FARP1: variants seen among roughly 807,000 people sequenced by gnomAD.
FARP1 encodes FERM, ARHGEF and pleckstrin domain-containing protein 1.
A neutral mutation model predicts 128.8 loss-of-function variants in FARP1; 52 were observed. The ratio of observed to expected loss-of-function variants is 0.40; its 90% CI spans 0.32 to 0.51. FARP1 has a LOEUF of 0.51. Among genes scored for constraint, FARP1 ranks in the 20% least tolerant of loss-of-function variants. The pLI is 0.45. For synonymous variants in FARP1, 580 were observed against 551.8 expected (o/e 1.05, Z -0.72); for missense variants, 1,333 against 1,367.9 (o/e 0.97, Z 0.40).
chr13:98,340,716 T>A (rs1247919144), intron 2 of FARP1: 3 of 152,228 alleles, frequency 2.0e-5, no homozygotes, highest in Non-Finnish European at 4.4e-5. Flanking sequence ...TTGCTGTGCA[T>A]AAGTTAACCA....
Position 98,446,836 on chromosome 13 carries a change from C to A in FARP1, c.3056+19C>A, listed in dbSNP as rs112364908. ...TCGAAAGGTAGACACCCCCTTCCCA[C>A]GCACAGGGCCCTGCAGAAGAGGACC... On this transcript the variant is annotated intron_variant, in intron 26 of 26. Coordinates refer to ENST00000319562, the MANE Select transcript of FARP1 (RefSeq NM_005766.4). 1.4e-5 allele frequency: 22 copies of A among 1,613,360 alleles called. No homozygotes were observed. Among genetic ancestry groups the A allele is most frequent in the African/African-American group, 8.0e-5 (6 of 75,046 alleles).
chr13:98,195,805 T>C (rs770695014), intron 1 of FARP1, among the ~76,000 whole-genome samples: 1 of 152,096 alleles, frequency 6.6e-6, no homozygotes, highest in Non-Finnish European at 1.5e-5. Context: ...GATGGAAGGA[T>C]TGCTGCCCCA....
rs1286002598 is a variant in FARP1 at position 98,156,060 on chromosome 13, C to T, written c.-24+12568C>T. ...CTGGAGCAAGTCATTTCATTTCAAT[C>T]CCCGTTTCCTCCCATATTTTAAAAA... is the stretch of plus-strand genomic sequence containing the variant. On this transcript the variant is annotated intron_variant, in intron 1 of 26. Coordinates refer to ENST00000319562, the MANE Select transcript of FARP1 (RefSeq NM_005766.4). Among the ~76,000 whole-genome samples the T allele has an allele frequency of 4.6e-5, 7 of 152,190 alleles. No homozygotes were observed. In the East Asian group the frequency reaches 1.3e-3, roughly 29 times the overall value.
chr13:98,158,796 T>G (rs1454294404), intron 1 of FARP1, among the ~76,000 whole-genome samples: 1 of 152,110 alleles, frequency 6.6e-6, no homozygotes, highest in Non-Finnish European at 1.5e-5. Flanking sequence ...TGCTTCACTG[T>G]TAGGAAAGAA....
intron 2 of FARP1, among the ~76,000 whole-genome samples, chr13:98,231,774 T>G (rs1397894037): frequency 6.6e-6 from 1 of 152,192 alleles, no homozygotes; most frequent in Admixed American, 6.5e-5. Context: ...TAGAGTACTT[T>G]TTTTCCTCAT....
intron 2 of FARP1, among the ~76,000 whole-genome samples, chr13:98,228,567 A>G (rs534868442): frequency 6.6e-5 from 10 of 152,326 alleles, no homozygotes; most frequent in African/African-American, 2.4e-4. Context: ...TTTGTATAGT[A>G]TATCGTTAGT....
At chr13:98,420,127 G>C (rs997898975) in intron 16 of FARP1, among the ~76,000 whole-genome samples, 33 of 152,164 alleles carry the variant, frequency 2.2e-4, no homozygotes, top group African/African-American at 7.5e-4. Flanking sequence ...AAGGTCACCA[G>C]CACACTGTGA....
chr13:98,281,640 A>G (rs529097837), intron 2 of FARP1, among the ~76,000 whole-genome samples: 150 of 152,346 alleles, frequency 9.8e-4, no homozygotes, highest in African/African-American at 3.5e-3. Context: ...TTTTAAAGGT[A>G]AAATGAAAAT....
intron 16 of FARP1, among the ~76,000 whole-genome samples, chr13:98,419,467 T>C (rs1264716111): frequency 2.2e-5 from 3 of 134,048 alleles, no homozygotes; most frequent in African/African-American, 8.9e-5. Context: ...GACGAGACTC[T>C]GTCTCCAAAA....
intron 1 of FARP1, among the ~76,000 whole-genome samples, chr13:98,199,615 G>C (rs1879806110): frequency 6.6e-6 from 1 of 152,208 alleles, no homozygotes; most frequent in South Asian, 2.1e-4. Context: ...CAAGGGTTGG[G>C]TGCTTTCTAC....
At chr13:98,218,126 C>T (rs1472285887) in intron 2 of FARP1, among the ~76,000 whole-genome samples, 1 of 151,996 alleles carries the variant, frequency 6.6e-6, no homozygotes, top group African/African-American at 2.4e-5. Flanking sequence ...CCGGCCCTCC[C>T]CCACCCCACA....
intron 26 of FARP1, chr13:98,448,004 T>A: frequency 1.7e-6 from 1 of 571,516 alleles, no homozygotes; most frequent in Non-Finnish European, 3.1e-6. Flanking sequence ...GCGGGCAGTG[T>A]CACTGCAGCA....
intron 13 of FARP1, chr13:98,404,006 A>AT (rs1890876303): frequency 6.6e-6 from 1 of 152,066 alleles, no homozygotes; most frequent in African/African-American, 2.5e-5. Flanking sequence ...CTCCACCACC[A>AT]CCACCACCAC....
chr13:98,304,381 G>A (rs891212802), intron 2 of FARP1, among the ~76,000 whole-genome samples: 1 of 152,204 alleles, frequency 6.6e-6, no homozygotes, highest in African/African-American at 2.4e-5. Flanking sequence ...ATGGTTTATA[G>A]ATTATCAAGG....
chr13:98,341,997 A>G (rs1188876111), intron 2 of FARP1, among the ~76,000 whole-genome samples: 3 of 152,344 alleles, frequency 2.0e-5, no homozygotes, highest in Middle Eastern at 3.4e-3. Flanking sequence ...GTACTAAACC[A>G]TCTATAATAC....
At position 98,389,771 on chromosome 13, in the gene FARP1, C is replaced by A. The variant is rs1266001014; in HGVS notation, c.856-186C>A. ...ATTCTGTGGGGAAGAAAATGATGGACTAGGGACCACATCTTGTCCTTAAGA... is the reference window on the plus strand; with the variant it reads ...ATTCTGTGGGGAAGAAAATGATGGAATAGGGACCACATCTTGTCCTTAAGA... On this transcript the variant is annotated intron_variant, in intron 9 of 26. Coordinates refer to ENST00000319562, the MANE Select transcript of FARP1 (RefSeq NM_005766.4). 4.1e-5 allele frequency: 23 copies of A among 555,568 alleles called. 1 individual carries two copies. Among genetic ancestry groups the A allele is most frequent in the Non-Finnish European group, 4.0e-5 (13 of 323,178 alleles). The allele number at this position is 555,568 out of a possible 1,614,324, so 34.4% of individuals were successfully genotyped here. A position where few individuals can be genotyped will look rare whatever the true frequency, so the allele number is the denominator to read the frequency against.
intron 2 of FARP1, among the ~76,000 whole-genome samples, chr13:98,241,676 G>A (rs1041105251): frequency 6.6e-6 from 1 of 152,176 alleles, no homozygotes; most frequent in African/African-American, 2.4e-5. Context: ...AGCATTTTGG[G>A]AGGCTGAGGT....
At chr13:98,332,776 T>C (rs1225387650) in intron 2 of FARP1, 2 of 152,168 alleles carry the variant, frequency 1.3e-5, no homozygotes, top group Non-Finnish European at 2.9e-5. Flanking sequence ...TTAAGATCGG[T>C]TCTTGGGGAA....
Position 98,256,838 on chromosome 13 carries a change from G to C in FARP1, c.171+43425G>C, listed in dbSNP as rs1883610555. Among the ~76,000 whole-genome samples the C allele has an allele frequency of 1.4e-5, 2 of 147,032 alleles. 1 individual carries two copies. The highest frequency in any genetic ancestry group is 5.0e-5 in the African/African-American group (2 of 40,284). On this transcript the variant is annotated intron_variant, in intron 2 of 26. Transcript: ENST00000319562. Reference sequence around the variant, plus strand: ...GCCTCCCAAAGTGCTGGGATTACAGGCGTGAGCCACCACACTTGGCCTTAC... The same window carrying C: ...GCCTCCCAAAGTGCTGGGATTACAGCCGTGAGCCACCACACTTGGCCTTAC...
Sources: allele counts gnomAD v4.1 joint callset (sites outside exome capture counted in the v4.1 genomes callset), GRCh38; gene constraint gnomAD v4.1.1; transcripts MANE v1.5; gene names NCBI Gene and HGNC (gene_info 2026-07-23, HGNC 2026-07-21).